Variants in ZNF114 observed in about 807,000 individuals in gnomAD.
ZNF114 encodes the protein zinc finger protein 114.
In ZNF114, 8 loss-of-function variants were observed where a neutral mutation model predicts 6.8. The ratio of observed to expected loss-of-function variants is 1.18; its 90% CI spans 0.69 to 2.13. The LOEUF is 2.13. Ranked by LOEUF, ZNF114 falls within the 30% of genes most tolerant of loss-of-function variation. The pLI, the probability that ZNF114 is intolerant of heterozygous loss-of-function variation, is 0.00. For synonymous variants in ZNF114, 169 were observed against 185.5 expected (o/e 0.91, Z 0.72); for missense variants, 472 against 519.5 (o/e 0.91, Z 0.89).
At chr19:48,280,574 C>T (rs34095786) in intron 4 of ZNF114, among the ~76,000 whole-genome samples, 5,849 of 126,178 alleles carry the variant, frequency 0.046, 227 homozygotes, top group Middle Eastern at 0.18. Context: ...TTTTTTGAGA[C>T]GGAGTTTCAC....
At position 48,279,719 on chromosome 19, in the gene ZNF114, T is replaced by A; in HGVS notation, c.-69-12T>A. Reference sequence around the variant, plus strand: ...GGTGCCTGGATTCTCATAGCTCCATTCTTCTCCCAAGCTCTGCCTCACCTG... The same window carrying A: ...GGTGCCTGGATTCTCATAGCTCCATACTTCTCCCAAGCTCTGCCTCACCTG... On this transcript the variant is annotated splice_polypyrimidine_tract_variant and intron_variant, in intron 3 of 5. Transcript: ENST00000595607. 1 of 1,600,076 alleles carries A rather than the reference T, an allele frequency of 6.2e-7. No individual in the cohort carries two copies. Among genetic ancestry groups the A allele is most frequent in the Non-Finnish European group, 8.6e-7 (1 of 1,168,004 alleles).
chr19:48,275,470 C>T (rs927595356), intron 3 of ZNF114, among the ~76,000 whole-genome samples: 4 of 113,276 alleles, frequency 3.5e-5, no homozygotes, highest in African/African-American at 1.0e-4. Context: ...AATAGCCAGG[C>T]GTGGTGGTGG....
chr19:48,281,189 A>C (rs1465724588), intron 4 of ZNF114, among the ~76,000 whole-genome samples: 1 of 152,194 alleles, frequency 6.6e-6, no homozygotes, highest in Non-Finnish European at 1.5e-5. Context: ...AGTCTCTACC[A>C]ATCGACTGTA....
chr19:48,285,662 AAGAAAG>A lies in ZNF114; in HGVS notation c.137-95_137-90del, dbSNP rs935149994. 6.4e-5 allele frequency: 73 copies of A among 1,147,992 alleles called. 1 individual carries two copies. The African/African-American group carries it at 8.0e-4, about 13-fold the overall frequency. The allele number at this position is 1,147,992 out of a possible 1,614,324, so 71.1% of individuals were successfully genotyped here. A position where few individuals can be genotyped will look rare whatever the true frequency, so the allele number is the denominator to read the frequency against. Reference sequence around the variant, plus strand: ...AGGGAGGGAGGGAAAGAAAGAAAGAAAGAAAGAGAGAAATCCACACGGAGATTGCCT... The same window carrying A: ...AGGGAGGGAGGGAAAGAAAGAAAGAAAGAGAAATCCACACGGAGATTGCCT... On this transcript the variant is annotated intron_variant, in intron 5 of 5. Transcript: ENST00000595607.
At chr19:48,282,591 G>T in intron 5 of ZNF114, 94 bp downstream of exon 5, 1 of 1,453,846 alleles carries the variant, frequency 6.9e-7, no homozygotes, top group South Asian at 1.5e-5. Flanking sequence ...TGGGAACTGG[G>T]TTAAATTCCA....
At chr19:48,277,795 GTGTGT>G (rs537189947) in intron 3 of ZNF114, among the ~76,000 whole-genome samples, 3,754 of 24,678 alleles carry the variant, frequency 0.15, 111 homozygotes, top group Middle Eastern at 0.43. Context: ...GAGGCATTGG[GTGTGT>G]GTGTGTGTGT....
intron 3 of ZNF114, among the ~76,000 whole-genome samples, chr19:48,274,170 A>G (rs1205318628): frequency 1.3e-5 from 2 of 151,548 alleles, no homozygotes; most frequent in African/African-American, 4.8e-5. Flanking sequence ...ATATAAATTC[A>G]GCTTTTTCTC....
chr19:48,272,752 G>GCCA (rs540045002), intron 3 of ZNF114, among the ~76,000 whole-genome samples: 59 of 143,616 alleles, frequency 4.1e-4, no homozygotes, highest in African/African-American at 1.6e-3. Context: ...CCTGGGCAGG[G>GCCA]CCAGACGTGC....
chr19:48,274,504 A>T (rs1332750798), intron 3 of ZNF114, among the ~76,000 whole-genome samples: 36 of 11,826 alleles, frequency 3.0e-3, no homozygotes, highest in East Asian at 0.029. Context: ...ATATATATAT[A>T]TATTTTTTTT....
intron 3 of ZNF114, among the ~76,000 whole-genome samples, chr19:48,275,442 ACACACACACACACAC>A (rs1187897461): frequency 6.6e-6 from 1 of 150,564 alleles, no homozygotes; most frequent in Non-Finnish European, 1.5e-5. Context: ...ACACACACAC[ACACACACACACACAC>A]AAAATAGCCA....
intron 5 of ZNF114, among the ~76,000 whole-genome samples, chr19:48,285,217 G>T (rs1352058596): frequency 6.6e-6 from 1 of 152,080 alleles, no homozygotes; most frequent in Non-Finnish European, 1.5e-5. Context: ...CCACACAGAG[G>T]CCTGGCGCGT....
At chr19:48,277,368 T>A (rs995833916) in intron 3 of ZNF114, among the ~76,000 whole-genome samples, 6 of 152,048 alleles carry the variant, frequency 3.9e-5, no homozygotes, top group African/African-American at 1.4e-4. Context: ...AATAAAAAAA[T>A]GAATATGTAG....
chr19:48,285,967 A>G lies in ZNF114; in HGVS notation c.343A>G (p.Lys115Glu), dbSNP rs147873456. 167 of 1,614,022 alleles carry G rather than the reference A, an allele frequency of 1.0e-4. No homozygotes were observed. The African/African-American group carries it at 2.0e-3, about 19-fold the overall frequency. ...GAAGCCACCTGCAGTTGCCCCTGAGAAAGATGAATCTCCTGTTAGCATTTG... is the reference window on the plus strand; with the variant it reads ...GAAGCCACCTGCAGTTGCCCCTGAGGAAGATGAATCTCCTGTTAGCATTTG... ...NVKPPAVAPE[K>E]DESPVSICED... The change falls in exon 6 of 6, where the codon AAA (lysine) becomes GAA (glutamate). Residue 115 changes from lysine to glutamate, a missense_variant. Lys to Glu is a moderately conservative substitution (Grantham distance 56, BLOSUM62 1). Coordinates refer to ENST00000595607, the MANE Select transcript of ZNF114 (RefSeq NM_153608.4).
chr19:48,272,941 G>A (rs539075625), intron 3 of ZNF114, among the ~76,000 whole-genome samples: 20 of 151,768 alleles, frequency 1.3e-4, no homozygotes, highest in Non-Finnish European at 2.7e-4. Flanking sequence ...GACTACAGGC[G>A]CCCGCCACCG....
intron 3 of ZNF114, among the ~76,000 whole-genome samples, chr19:48,279,074 G>C (rs190993524): frequency 1.2e-4 from 18 of 152,186 alleles, no homozygotes; most frequent in African/African-American, 4.3e-4. Flanking sequence ...TAGAGGTGAC[G>C]TTTGTACAAC....
chr19:48,279,074 G>A (rs190993524), intron 3 of ZNF114, among the ~76,000 whole-genome samples: 6 of 152,066 alleles, frequency 3.9e-5, no homozygotes, highest in African/African-American at 1.2e-4. Flanking sequence ...TAGAGGTGAC[G>A]TTTGTACAAC....
chr19:48,286,004 A>C lies in ZNF114; in HGVS notation c.380A>C (p.Glu127Ala). The part of the protein sequence containing the change: ...ESPVSICEDH[E>A]MRNHSKPTCR... Reference sequence around the variant, plus strand: ...CCTGTTAGCATTTGTGAAGATCATGAAATGAGGAACCACTCTAAACCTACC... The same window carrying C: ...CCTGTTAGCATTTGTGAAGATCATGCAATGAGGAACCACTCTAAACCTACC... Residue 127 changes from glutamate (E) to alanine (A), a missense_variant, in exon 6 of 6, where the codon GAA becomes GCA. Physicochemically the swap from Glu to Ala is moderately radical, Grantham distance 107. Transcript: ENST00000595607. 6.2e-7 allele frequency: 1 copy of C among 1,613,924 alleles called. No homozygotes were observed. The highest frequency in any genetic ancestry group is 8.5e-7 in the Non-Finnish European group (1 of 1,180,028).
At chr19:48,282,107 C>T (rs776779009) in intron 4 of ZNF114, 130 of 295,604 alleles carry the variant, frequency 4.4e-4, no homozygotes, top group Admixed American at 1.1e-3. Context: ...ACCATGCTGG[C>T]CAGGCTGGTC....
chr19:48,278,230 C>T (rs112752618), intron 3 of ZNF114, among the ~76,000 whole-genome samples: 8,457 of 152,246 alleles, frequency 0.056, 493 homozygotes, highest in African/African-American at 0.15. Flanking sequence ...GCCAACGCGC[C>T]CGGCCCAATT....
Sources: gnomAD v4.1 joint callset for allele counts (sites outside exome capture counted in the v4.1 genomes callset) on GRCh38, gnomAD v4.1.1 for gene constraint, MANE v1.5 for transcripts, NCBI Gene and HGNC (gene_info 2026-07-23, HGNC 2026-07-21) for gene names.